UBR4: variants seen among roughly 807,000 people sequenced by gnomAD.
The protein encoded by UBR4 is ubiquitin protein ligase E3 component n-recognin 4.
UBR4 carries 124 observed loss-of-function variants against 575.6 expected under a neutral mutation model. The ratio of observed to expected loss-of-function variants is 0.22; its 90% CI spans 0.19 to 0.25. The LOEUF is 0.25. Ranked by LOEUF, UBR4 falls within the 10% of genes least tolerant of loss-of-function variation. UBR4 has a pLI of 1.00. For synonymous variants in UBR4, 2,455 were observed against 2,473.7 expected, an observed-to-expected ratio of 0.99 and a Z score of 0.22; for missense variants, 4,818 against 6,478.8, an observed-to-expected ratio of 0.74 and a Z score of 8.80.
At position 19,124,616 on chromosome 1, in the gene UBR4, G is replaced by C; in HGVS notation, c.9513C>G (p.Ile3171Met). The change falls in exon 65 of 106, where the codon ATC becomes ATG. Residue 3171 changes from isoleucine (I) to methionine (M), a missense_variant. By Grantham distance (10) the Ile-to-Met change is conservative. This residue lies in a region of UBR4 where 550 missense variants were observed against 791.5 expected (regional missense o/e 0.69). Transcript: ENST00000375254. ...TEMVLRLPYQ[I>M]KKITDTNSRI... ...GAGAATTGGTGTCAGTAATCTTTTT[G>C]ATTTGGTAAGGAAGCCTCAGTACCA... The C allele has an allele frequency of 6.2e-7, 1 of 1,614,216 alleles. No homozygotes were observed. The highest frequency in any genetic ancestry group is 8.5e-7 in the Non-Finnish European group (1 of 1,180,030).
rs56148277 is a variant in UBR4 at position 19,094,797 on chromosome 1, G to C, written c.13746+109C>G. The C allele has an allele frequency of 5.6e-6, 8 of 1,441,090 alleles. No homozygotes were observed. The South Asian group carries it at 1.1e-4, about 19-fold the overall frequency. 89.3% of individuals were successfully genotyped at this position (1,441,090 alleles called of 1,614,324 possible). A position where few individuals can be genotyped will look rare whatever the true frequency, so the allele number is the denominator to read the frequency against. ...TCCTAACATTCCAATGCTTAAGCAG[G>C]CTCCGCCATTCTCAGGTGGGCTAAG... On this transcript the variant is annotated intron_variant, in intron 94 of 105. Coordinates refer to ENST00000375254, the MANE Select transcript of UBR4 (RefSeq NM_020765.3).
At chr1:19,095,156 A>T in intron 93 of UBR4, 131 bp from the exon 94 acceptor site, 1 of 1,334,190 alleles carries the variant, frequency 7.5e-7, no homozygotes, top group South Asian at 1.3e-5. Context: ...GTGTGTATGT[A>T]TGTGCGTGTA....
chr1:19,094,889 G>A lies in UBR4; in HGVS notation c.13746+17C>T. ...GGCTCTCAGTGCCTGCAGATGGAGG[G>A]GCCGAGCCCCACTCACCTTGTCCTC... On this transcript the variant is annotated intron_variant, in intron 94 of 105. Coordinates refer to ENST00000375254, the MANE Select transcript of UBR4 (RefSeq NM_020765.3). 2 of 1,612,072 alleles carry A rather than the reference G, an allele frequency of 1.2e-6. No homozygotes were observed. Among genetic ancestry groups the A allele is most frequent in the Non-Finnish European group, 1.7e-6 (2 of 1,179,812 alleles).
At chr1:19,162,965 C>G (rs1211193639) in intron 34 of UBR4, among the ~76,000 whole-genome samples, 1 of 152,092 alleles carries the variant, frequency 6.6e-6, no homozygotes, top group Non-Finnish European at 1.5e-5. Flanking sequence ...TAGCATTTCC[C>G]CCCTAACATT....
chr1:19,166,195 G>A (rs188704215), intron 29 of UBR4, among the ~76,000 whole-genome samples: 1 of 152,322 alleles, frequency 6.6e-6, no homozygotes, highest in East Asian at 1.9e-4. Context: ...ATTCCAACAT[G>A]TGGCACCTTC....
chr1:19,139,295 C>T lies in UBR4; in HGVS notation c.8594-75G>A, dbSNP rs1051659053. The T allele has an allele frequency of 4.6e-6, 7 of 1,506,754 alleles. No individual in the cohort carries two copies. The highest frequency in any genetic ancestry group is 1.4e-5 in the African/African-American group (1 of 71,642). 93.3% of individuals were successfully genotyped at this position (1,506,754 alleles called of 1,614,324 possible). ...AAACAAACAAAAAACAAAAAAAACC[C>T]CTCCTTGGGATGAAAGCATCAAACC... On this transcript the variant is annotated intron_variant, in intron 58 of 105. Coordinates refer to ENST00000375254, the MANE Select transcript of UBR4 (RefSeq NM_020765.3). This position sits in a 1 kb window ranked among gnomAD's most constrained non-coding sequence, Gnocchi z 4.2.
chr1:19,177,388 G>A lies in UBR4; in HGVS notation c.2637+73C>T, dbSNP rs779278970. 63 of 1,561,398 alleles carry A rather than the reference G, an allele frequency of 4.0e-5. No homozygotes were observed. The Middle Eastern group carries it at 1.2e-3, about 30-fold the overall frequency. On this transcript the variant is annotated intron_variant, in intron 19 of 105. Coordinates refer to ENST00000375254, the MANE Select transcript of UBR4 (RefSeq NM_020765.3). Reference sequence around the variant, plus strand: ...AAAGTGGGTAGGTCATTTGGGCTGCGGATCATGGTAACCATTGAGAAGAAT... The same window carrying A: ...AAAGTGGGTAGGTCATTTGGGCTGCAGATCATGGTAACCATTGAGAAGAAT...
intron 35 of UBR4, 82 bp from the exon 36 acceptor site, chr1:19,161,979 T>C: frequency 6.7e-7 from 1 of 1,495,122 alleles, no homozygotes; most frequent in Non-Finnish European, 9.2e-7. Context: ...CTCAACGCCC[T>C]ATGGCGGGGT....
chr1:19,194,730 G>A (rs2092345211), intron 8 of UBR4, among the ~76,000 whole-genome samples: 2 of 152,158 alleles, frequency 1.3e-5, no homozygotes, highest in South Asian at 4.1e-4. Context: ...TGAACCTGGG[G>A]GGCAGAGGTT....
chr1:19,116,772 T>C (rs1177993849), intron 73 of UBR4, among the ~76,000 whole-genome samples: 4 of 152,218 alleles, frequency 2.6e-5, no homozygotes, highest in South Asian at 2.1e-4. Context: ...AAAGGCACCA[T>C]GTGGAAATCG....
At chr1:19,078,296 C>G (rs1388447249) in intron 103 of UBR4, 3 of 471,654 alleles carry the variant, frequency 6.4e-6, no homozygotes, top group Non-Finnish European at 1.2e-5. Context: ...ATCTGATTCT[C>G]TCAGTGCTCA....
At chr1:19,163,288 A>T (rs1266929427) in intron 34 of UBR4, among the ~76,000 whole-genome samples, 1 of 152,240 alleles carries the variant, frequency 6.6e-6, no homozygotes, top group Non-Finnish European at 1.5e-5. Context: ...TGGGTTGGGC[A>T]GGAGGAGAAA....
At position 19,110,265 on chromosome 1, in the gene UBR4, T is replaced by C; in HGVS notation, c.11978-42A>G. 1.2e-6 allele frequency: 2 copies of C among 1,614,122 alleles called. No individual in the cohort carries two copies. ...AAGGCAGAGTCACAATCAGGAACAC[T>C]ACACATCTGCTCTGCAGAGGCCGCC... is the stretch of plus-strand genomic sequence containing the variant. On this transcript the variant is annotated intron_variant, in intron 80 of 105. Transcript: ENST00000375254. The surrounding 1 kb of genome is among the most constrained non-coding windows in gnomAD (Gnocchi z 4.5).
At chr1:19,183,941 T>G in intron 16 of UBR4, 45 bp from the exon 17 acceptor site, 1 of 1,613,836 alleles carries the variant, frequency 6.2e-7, no homozygotes, top group African/African-American at 1.3e-5. Context: ...AGCTATTGAA[T>G]GCACCACACC....
At chr1:19,146,770 G>T in intron 52 of UBR4, 56 bp downstream of exon 52, 3 of 1,563,046 alleles carry the variant, frequency 1.9e-6, no homozygotes, top group South Asian at 1.2e-5. Context: ...AGAATGAGAG[G>T]GTAAATAGGC....
intron 61 of UBR4, 23 bp downstream of exon 61, chr1:19,128,955 G>A (rs776725195): frequency 1.6e-5 from 26 of 1,600,128 alleles, no homozygotes; most frequent in Non-Finnish European, 2.1e-5. Context: ...ACCTGACAGA[G>A]ATCCAGGTGA....
intron 55 of UBR4, among the ~76,000 whole-genome samples, chr1:19,143,129 AAAAAG>A (rs916871260): frequency 1.8e-4 from 28 of 151,600 alleles, no homozygotes; most frequent in African/African-American, 5.6e-4. Flanking sequence ...GAGAAAAGAA[AAAAAG>A]AAAAGAAAAG....
In UBR4 at chr1:19,151,830, G is replaced by A; in HGVS notation, c.7026C>T (p.Asn2342=). 6.2e-7 allele frequency: 1 copy of A among 1,609,384 alleles called. No individual in the cohort carries two copies. The highest frequency in any genetic ancestry group is 1.7e-4 in the Middle Eastern group (1 of 5,918). ...CTGTCATCACCATAGTGCTATTGTTGTTACTAATCTCAATGGTGAAGCCTC... is the reference window on the plus strand; with the variant it reads ...CTGTCATCACCATAGTGCTATTGTTATTACTAATCTCAATGGTGAAGCCTC... ...KPGGFTIEIS[N]NNSTMVMTGM... is the part of the protein sequence containing the mutation. The change falls in exon 48 of 106, where the codon AAC becomes AAT. Residue 2342 remains asparagine, a synonymous_variant. Coordinates refer to ENST00000375254, the MANE Select transcript of UBR4 (RefSeq NM_020765.3).
intron 17 of UBR4, among the ~76,000 whole-genome samples, chr1:19,183,558 C>A (rs1411778239): frequency 1.3e-5 from 2 of 152,142 alleles, no homozygotes; most frequent in Non-Finnish European, 2.9e-5. Flanking sequence ...CCTGTCTCTA[C>A]TAAAAATACA....
Sources: gnomAD v4.1 joint callset for allele counts (sites outside exome capture counted in the v4.1 genomes callset) on GRCh38, gnomAD v4.1.1 for gene constraint, gnomAD v4.1.1 regional missense constraint, Gnocchi (gnomAD v3.1) non-coding constraint, MANE v1.5 for transcripts, NCBI Gene and HGNC (gene_info 2026-07-23, HGNC 2026-07-21) for gene names.